The following DPP6 variants were observed in gnomAD, a reference collection of about 807,000 sequenced individuals.
DPP6 encodes the protein A-type potassium channel modulatory protein DPP6.
Under a neutral mutation model 122.6 loss-of-function variants are expected in DPP6, and 69 were observed. The observed-to-expected ratio is 0.56, with a 90% confidence interval of 0.46 to 0.69. The LOEUF (loss-of-function observed/expected upper bound fraction) is 0.69, where lower values mean the gene tolerates loss of function less well. DPP6 is among the 30% of genes least tolerant of loss of function. The pLI, the probability that DPP6 is intolerant of heterozygous loss-of-function variation, is 0.00. For synonymous variants in DPP6, 418 were observed against 433.1 expected, an observed-to-expected ratio of 0.97 and a Z score of 0.43; for missense variants, 928 against 1,116.9, an observed-to-expected ratio of 0.83 and a Z score of 2.41.
Position 154,872,532 on chromosome 7 carries a change from G to C in DPP6, c.1814-92G>C, listed in dbSNP as rs1482000478. 2.0e-6 allele frequency: 3 copies of C among 1,506,302 alleles called. No homozygotes were observed. The African/African-American group carries it at 4.1e-5, about 21-fold the overall frequency. The allele number at this position is 1,506,302 out of a possible 1,614,324, so 93.3% of individuals were successfully genotyped here. Reference sequence around the variant, plus strand: ...GGCTTCCCCTCAGGCCCCACCCAGAGCACCCTCACCCCCACGGTCACCCAA... The same window carrying C: ...GGCTTCCCCTCAGGCCCCACCCAGACCACCCTCACCCCCACGGTCACCCAA... On this transcript the variant is annotated intron_variant, in intron 18 of 25. Coordinates refer to ENST00000377770, the MANE Select transcript of DPP6 (RefSeq NM_130797.4).
chr7:154,668,405 A>G (rs1838336333), intron 6 of DPP6, among the ~76,000 whole-genome samples: 1 of 150,968 alleles, frequency 6.6e-6, no homozygotes, highest in Admixed American at 6.6e-5. Flanking sequence ...TATTTTTAGT[A>G]GGGATGGGGT....
intron 1 of DPP6, among the ~76,000 whole-genome samples, chr7:153,899,155 ATCC>A (rs1429695134): frequency 1.4e-5 from 2 of 146,976 alleles, no homozygotes; most frequent in African/African-American, 5.1e-5. Flanking sequence ...TCTCTTATTT[ATCC>A]TCCTCCTCTT....
chr7:154,299,083 C>T (rs1805733080), intron 1 of DPP6, among the ~76,000 whole-genome samples: 1 of 152,224 alleles, frequency 6.6e-6, no homozygotes. Flanking sequence ...ACTTCCTCCT[C>T]CCCAGGTGAG....
the DPP6 span, among the ~76,000 whole-genome samples, chr7:153,798,286 G>A: frequency 3.9e-5 from 6 of 152,156 alleles, no homozygotes; most frequent in East Asian, 1.9e-4. Context: ...GGCAGGTTTC[G>A]GGGATGCAGA....
rs569540012 is a variant in DPP6, at chr7:154,375,503, A to G, written c.244-70711A>G. Among the ~76,000 whole-genome samples, 13 of 152,244 alleles carry G rather than the reference A, an allele frequency of 8.5e-5. 1 individual carries two copies. The East Asian group carries it at 2.5e-3, about 29-fold the overall frequency. On this transcript the variant is annotated intron_variant, in intron 1 of 25. Coordinates refer to ENST00000377770, the MANE Select transcript of DPP6 (RefSeq NM_130797.4). ...CTGTGCTAGTATTTGGAAGTGAATT[A>G]TTTGGGAGGTGATTAGGGTGAGATG...
chr7:153,798,694 A>C, the DPP6 span, among the ~76,000 whole-genome samples: 2 of 152,190 alleles, frequency 1.3e-5, no homozygotes, highest in Non-Finnish European at 2.9e-5. Context: ...CTTACTGTGC[A>C]CTTTATCTCT....
intron 4 of DPP6, among the ~76,000 whole-genome samples, chr7:154,566,351 G>C (rs1830745056): frequency 1.3e-5 from 2 of 151,812 alleles, no homozygotes; most frequent in African/African-American, 4.8e-5. Flanking sequence ...GCCCAATCTT[G>C]GCTAACTGCA....
At chr7:153,918,592 C>CAGACAG (rs1563006289) in intron 1 of DPP6, among the ~76,000 whole-genome samples, 1 of 97,028 alleles carries the variant, frequency 1.0e-5, no homozygotes, top group Non-Finnish European at 2.2e-5. Flanking sequence ...CTCTCTCTCT[C>CAGACAG]TCTCTCTCTC....
intron 1 of DPP6, among the ~76,000 whole-genome samples, chr7:154,312,403 G>C (rs1378349529): frequency 6.6e-6 from 1 of 152,006 alleles, no homozygotes; most frequent in Non-Finnish European, 1.5e-5. Context: ...ATATAATGAA[G>C]TCTTGCTCCG....
At position 154,074,692 on chromosome 7, in the gene DPP6, G is replaced by A. The variant is rs953031004; in HGVS notation, c.243+21629G>A. ...GAGGAATTGGCATAAGAGACACACC[G>A]GCTACTCCCTGGGTGTGAAGCTTTA... On this transcript the variant is annotated intron_variant, in intron 1 of 25. Coordinates refer to ENST00000377770, the MANE Select transcript of DPP6 (RefSeq NM_130797.4). Among the ~76,000 whole-genome samples, 9 of 152,300 alleles carry A rather than the reference G, an allele frequency of 5.9e-5. No homozygotes were observed. The South Asian group carries it at 6.2e-4, about 11-fold the overall frequency.
intron 1 of DPP6, among the ~76,000 whole-genome samples, chr7:154,071,963 AGCTAATCATTTTCATCCACGT>A (rs1187989776): frequency 6.6e-6 from 1 of 152,208 alleles, no homozygotes; most frequent in East Asian, 1.9e-4. Flanking sequence ...TCCCCCTAGT[AGCTAATCATTTTCATCCACGT>A]GCCTGGTACA....
chr7:154,191,584 T>G (rs1273546403), intron 1 of DPP6, among the ~76,000 whole-genome samples: 1 of 152,212 alleles, frequency 6.6e-6, no homozygotes, highest in Non-Finnish European at 1.5e-5. Flanking sequence ...GCTCAGTGCA[T>G]AGCTATTGAA....
intron 16 of DPP6, among the ~76,000 whole-genome samples, chr7:154,814,389 C>T (rs371140787): frequency 1.3e-5 from 2 of 152,162 alleles, no homozygotes; most frequent in East Asian, 1.9e-4. Flanking sequence ...GATTTTCATC[C>T]CCTTACAGGA....
chr7:154,613,617 C>A (rs1834041442), intron 5 of DPP6, among the ~76,000 whole-genome samples: 2 of 53,842 alleles, frequency 3.7e-5, no homozygotes, highest in Admixed American at 3.6e-4. Flanking sequence ...GAGACTCTGT[C>A]TCAAAAAAAA....
chr7:154,359,185 G>A (rs887135986), intron 1 of DPP6, among the ~76,000 whole-genome samples: 1 of 152,196 alleles, frequency 6.6e-6, no homozygotes, highest in African/African-American at 2.4e-5. Context: ...TGCACTCTGG[G>A]ACAAGCCCCC....
At chr7:154,074,486 A>C (rs1420724454) in intron 1 of DPP6, among the ~76,000 whole-genome samples, 1 of 152,352 alleles carries the variant, frequency 6.6e-6, no homozygotes, top group East Asian at 1.9e-4. Flanking sequence ...TCAGTGGACC[A>C]AACAGAAACA....
At chr7:154,532,791 A>T (rs1563813572) in intron 3 of DPP6, among the ~76,000 whole-genome samples, 1 of 152,240 alleles carries the variant, frequency 6.6e-6, no homozygotes, top group East Asian at 1.9e-4. Context: ...CAAAATTTAT[A>T]CTGATGGGGT....
At chr7:154,031,057 A>C (rs1239570705) in intron 1 of DPP6, among the ~76,000 whole-genome samples, 3 of 151,630 alleles carry the variant, frequency 2.0e-5, no homozygotes, top group Non-Finnish European at 4.4e-5. Flanking sequence ...TGGTTGTCTT[A>C]TCCTCCCTGG....
intron 1 of DPP6, among the ~76,000 whole-genome samples, chr7:154,021,200 G>A (rs1158194206): frequency 2.6e-5 from 4 of 152,222 alleles, no homozygotes; most frequent in Non-Finnish European, 2.9e-5. Context: ...CTCTGCGAAC[G>A]TTTGCTGCTG....
Sources: allele counts gnomAD v4.1 joint callset (sites outside exome capture counted in the v4.1 genomes callset), GRCh38; gene constraint gnomAD v4.1.1; transcripts MANE v1.5; gene names NCBI Gene and HGNC (gene_info 2026-07-23, HGNC 2026-07-21).